Variants in SGCZ observed in about 807,000 individuals in gnomAD.
The protein encoded by SGCZ is sarcoglycan zeta, also known as zeta-sarcoglycan.
A neutral mutation model predicts 41.3 loss-of-function variants in SGCZ; 40 were observed. The ratio of observed to expected loss-of-function variants is 0.97; its 90% CI spans 0.75 to 1.26. The LOEUF (loss-of-function observed/expected upper bound fraction) is 1.26. Ranked by LOEUF, SGCZ falls within the 50% of genes most tolerant of loss-of-function variation. The pLI is 0.00. For synonymous variants in SGCZ, 206 were observed against 137.5 expected (o/e 1.50, Z -3.49); for missense variants, 552 against 369.8 (o/e 1.49, Z -4.04).
At chr8:14,801,926 A>G (rs1051970089) in intron 1 of SGCZ, among the ~76,000 whole-genome samples, 3 of 152,252 alleles carry the variant, frequency 2.0e-5, no homozygotes, top group Non-Finnish European at 4.4e-5. Context: ...TCCCAATCAT[A>G]GCACATGGAA....
chr8:15,153,455 T>C (rs114316555), intron 1 of SGCZ, among the ~76,000 whole-genome samples: 1,728 of 152,090 alleles, frequency 0.011, 40 homozygotes, highest in African/African-American at 0.039. Context: ...CATCACAGAG[T>C]CTGTATTAGT....
intron 1 of SGCZ, among the ~76,000 whole-genome samples, chr8:15,107,337 A>G (rs2131092749): frequency 6.6e-6 from 1 of 152,318 alleles, no homozygotes; most frequent in South Asian, 2.1e-4. Context: ...ATGTGATAAT[A>G]TTGGGAAGTA....
At chr8:15,071,191 A>C (rs1157505591) in intron 1 of SGCZ, among the ~76,000 whole-genome samples, 1 of 152,198 alleles carries the variant, frequency 6.6e-6, no homozygotes, top group Non-Finnish European at 1.5e-5. Flanking sequence ...ATGTTTAAGT[A>C]ATTAGAGGAG....
chr8:15,140,333 G>C (rs956038374), intron 1 of SGCZ, among the ~76,000 whole-genome samples: 2 of 152,092 alleles, frequency 1.3e-5, no homozygotes, highest in Non-Finnish European at 2.9e-5. Context: ...TCATTATAGA[G>C]CTTATTTAGA....
intron 1 of SGCZ, among the ~76,000 whole-genome samples, chr8:15,029,463 T>C (rs1371389590): frequency 6.6e-6 from 1 of 152,082 alleles, no homozygotes; most frequent in African/African-American, 2.4e-5. Flanking sequence ...TAAATTAGCT[T>C]GGGCCCTTAA....
chr8:15,080,201 TTA>T (rs1399863985), intron 1 of SGCZ, among the ~76,000 whole-genome samples: 2 of 152,190 alleles, frequency 1.3e-5, no homozygotes, highest in African/African-American at 4.8e-5. Context: ...GTGAAATTTT[TTA>T]TGACACAAGA....
chr8:14,281,581 T>C (rs1176591901), intron 3 of SGCZ, among the ~76,000 whole-genome samples: 1 of 152,056 alleles, frequency 6.6e-6, no homozygotes, highest in Non-Finnish European at 1.5e-5. Context: ...TTATAGACCA[T>C]CTAGTGATAA....
chr8:14,417,847 A>G (rs555679372), intron 2 of SGCZ, among the ~76,000 whole-genome samples: 1 of 151,904 alleles, frequency 6.6e-6, no homozygotes, highest in African/African-American at 2.4e-5. Flanking sequence ...AATATATATA[A>G]TTTTTATTTG....
At chr8:15,057,424 A>G (rs781432414) in intron 1 of SGCZ, among the ~76,000 whole-genome samples, 1 of 152,196 alleles carries the variant, frequency 6.6e-6, no homozygotes, top group Non-Finnish European at 1.5e-5. Flanking sequence ...TTTCAATACT[A>G]TTGCATACCA....
intron 1 of SGCZ, among the ~76,000 whole-genome samples, chr8:14,752,429 G>T (rs1303946243): frequency 2.0e-5 from 3 of 152,014 alleles, no homozygotes; most frequent in East Asian, 1.9e-4. Context: ...TTTTGCTTGG[G>T]CCAATTTGAG....
intron 1 of SGCZ, among the ~76,000 whole-genome samples, chr8:14,644,852 A>T (rs1426283900): frequency 6.6e-6 from 1 of 151,748 alleles, no homozygotes; most frequent in Non-Finnish European, 1.5e-5. Context: ...AAATTAGTCA[A>T]ACATTTTGAT....
chr8:14,530,519 T>A (rs1233295088), intron 2 of SGCZ, among the ~76,000 whole-genome samples: 1 of 152,054 alleles, frequency 6.6e-6, no homozygotes, highest in Non-Finnish European at 1.5e-5. Flanking sequence ...TGGCCATCAT[T>A]TAAATGTATC....
At chr8:14,350,490 C>G (rs1233556264) in intron 2 of SGCZ, among the ~76,000 whole-genome samples, 3 of 152,088 alleles carry the variant, frequency 2.0e-5, no homozygotes, top group African/African-American at 4.8e-5. Flanking sequence ...GCTGGTGATT[C>G]TCTGCTAAAT....
chr8:14,443,499 T>C (rs1386435909), intron 2 of SGCZ, among the ~76,000 whole-genome samples: 1 of 151,974 alleles, frequency 6.6e-6, no homozygotes, highest in East Asian at 1.9e-4. Context: ...CCCTCAGAAA[T>C]AACACCGCAT....
chr8:14,908,819 T>C (rs563402726), intron 1 of SGCZ, among the ~76,000 whole-genome samples: 13 of 151,708 alleles, frequency 8.6e-5, no homozygotes, highest in African/African-American at 3.1e-4. Context: ...ATGTCAGAGA[T>C]ACAAAGTTTC....
intron 1 of SGCZ, among the ~76,000 whole-genome samples, chr8:14,824,076 G>A (rs1802206857): frequency 6.6e-6 from 1 of 152,082 alleles, no homozygotes; most frequent in South Asian, 2.1e-4. Flanking sequence ...TAGAACAGTG[G>A]TTACCAGAGA....
At chr8:14,733,111 C>T (rs1331261682) in intron 1 of SGCZ, among the ~76,000 whole-genome samples, 1 of 152,076 alleles carries the variant, frequency 6.6e-6, no homozygotes. Context: ...AACAATCAAT[C>T]CACAGCCCAT....
chr8:14,445,078 T>C (rs1031310636), intron 2 of SGCZ, among the ~76,000 whole-genome samples: 2 of 152,192 alleles, frequency 1.3e-5, no homozygotes, highest in African/African-American at 2.4e-5. Flanking sequence ...TTCAAGACAG[T>C]TGCTCAGTGG....
At chr8:14,091,538 C>A (rs938620589) in intron 7 of SGCZ, among the ~76,000 whole-genome samples, 2 of 152,084 alleles carry the variant, frequency 1.3e-5, no homozygotes, top group South Asian at 4.1e-4. Context: ...GAGATGGTAT[C>A]CCATTGTGGA....
Sources: gnomAD v4.1 joint callset for allele counts (sites outside exome capture counted in the v4.1 genomes callset) on GRCh38, gnomAD v4.1.1 for gene constraint, MANE v1.5 for transcripts, NCBI Gene and HGNC (gene_info 2026-07-23, HGNC 2026-07-21) for gene names.